ENPP6: variants seen among roughly 807,000 people sequenced by gnomAD.
ENPP6 encodes the protein ectonucleotide pyrophosphatase/phosphodiesterase 6.
Under a neutral mutation model 42.0 loss-of-function variants are expected in ENPP6, and 32 were observed. The observed-to-expected ratio is 0.76, with a 90% CI of 0.58 to 1.02. The LOEUF (loss-of-function observed/expected upper bound fraction) is 1.02, where lower values mean the gene tolerates loss of function less well. Among genes scored for constraint, ENPP6 ranks in the 50% least tolerant of loss-of-function variants. The probability of loss-of-function intolerance (pLI) is 0.00; values close to 1 mark genes in which losing one functional copy is unlikely to be tolerated. For missense variants in ENPP6, 552 were observed against 566.8 expected, an observed-to-expected ratio of 0.97 and a Z score of 0.27; for synonymous variants, 213 against 216.0, an observed-to-expected ratio of 0.99 and a Z score of 0.12.
At chr4:184,169,407 C>A (rs942144997) in intron 1 of ENPP6, among the ~76,000 whole-genome samples, 2 of 152,126 alleles carry the variant, frequency 1.3e-5, no homozygotes, top group Non-Finnish European at 1.5e-5. Flanking sequence ...GCCAGGGCCG[C>A]GGGGAGGGCA....
At chr4:184,199,641 A>G (rs1323949901) in intron 1 of ENPP6, among the ~76,000 whole-genome samples, 4 of 152,174 alleles carry the variant, frequency 2.6e-5, no homozygotes, top group African/African-American at 9.7e-5. Context: ...CTCCACCGTG[A>G]CATCCACAGA....
intron 1 of ENPP6, among the ~76,000 whole-genome samples, chr4:184,154,499 T>C (rs1737119950): frequency 6.6e-6 from 1 of 152,166 alleles, no homozygotes. Context: ...GTGAGCGTCA[T>C]TTGGCACCAG....
Position 184,088,861 on chromosome 4 carries a change from T to C in ENPP6, c.*2316A>G, listed in dbSNP as rs981140142. ...CAGACAAATATCTAAAGTTTTATTA[T>C]GTAACTTGCAGATTTTCAGGACGAG... On this transcript the variant is annotated 3_prime_UTR_variant, in exon 8 of 8. Coordinates refer to ENST00000296741, the MANE Select transcript of ENPP6 (RefSeq NM_153343.4). 3.9e-5 allele frequency: 6 copies of C among 152,250 alleles called. No homozygotes were observed. The highest frequency in any genetic ancestry group is 6.5e-5 in the Admixed American group (1 of 15,286). The allele number at this position is 152,250 out of a possible 1,614,324, so 9.4% of individuals were successfully genotyped here. A position where few individuals can be genotyped will look rare whatever the true frequency, so the allele number is the denominator to read the frequency against.
At chr4:184,208,333 T>G (rs1482323292) in intron 1 of ENPP6, among the ~76,000 whole-genome samples, 1 of 152,110 alleles carries the variant, frequency 6.6e-6, no homozygotes, top group South Asian at 2.1e-4. Flanking sequence ...GGTACTGGGT[T>G]CATCTCACTA....
intron 2 of ENPP6, among the ~76,000 whole-genome samples, chr4:184,133,033 T>G (rs1736666232): frequency 6.6e-6 from 1 of 152,162 alleles, no homozygotes; most frequent in Admixed American, 6.5e-5. Flanking sequence ...TGTCTTACTT[T>G]TTGTAGTTTA....
At chr4:184,142,174 A>T (rs6837418) in intron 2 of ENPP6, among the ~76,000 whole-genome samples, 3,378 of 152,298 alleles carry the variant, frequency 0.022, 145 homozygotes, top group African/African-American at 0.077. Context: ...CGCCAAGTTG[A>T]GCCCATAAAA....
intron 1 of ENPP6, among the ~76,000 whole-genome samples, chr4:184,166,212 C>T (rs1737345322): frequency 6.6e-6 from 1 of 152,162 alleles, no homozygotes; most frequent in South Asian, 2.1e-4. Context: ...AAAGCAACTC[C>T]TGATGTATGT....
intron 3 of ENPP6, among the ~76,000 whole-genome samples, chr4:184,122,131 C>A (rs1426909710): frequency 1.3e-5 from 2 of 152,178 alleles, no homozygotes; most frequent in African/African-American, 2.4e-5. Flanking sequence ...AATATGAAGA[C>A]CCCATGAGAC....
At chr4:184,133,993 A>G (rs1347522869) in intron 2 of ENPP6, among the ~76,000 whole-genome samples, 1 of 151,442 alleles carries the variant, frequency 6.6e-6, no homozygotes, top group African/African-American at 2.4e-5. Context: ...CTATTGATGT[A>G]TTGATAGATT....
intron 1 of ENPP6, among the ~76,000 whole-genome samples, chr4:184,189,217 G>A (rs1732681659): frequency 6.6e-6 from 1 of 152,208 alleles, no homozygotes; most frequent in Non-Finnish European, 1.5e-5. Context: ...AGGAAGTCCT[G>A]TCAGTTTCCT....
intron 6 of ENPP6, among the ~76,000 whole-genome samples, chr4:184,102,765 C>T (rs1342522290): frequency 6.6e-6 from 1 of 152,250 alleles, no homozygotes; most frequent in Non-Finnish European, 1.5e-5. Context: ...TGGAAACCAG[C>T]GTGCTCACCG....
At chr4:184,105,846 A>G (rs762008215) in intron 6 of ENPP6, among the ~76,000 whole-genome samples, 10 of 152,236 alleles carry the variant, frequency 6.6e-5, no homozygotes, top group Non-Finnish European at 1.5e-4. Flanking sequence ...TTAAAGGTGT[A>G]TGAAATCACA....
intron 3 of ENPP6, among the ~76,000 whole-genome samples, chr4:184,122,783 C>T (rs575537127): frequency 6.6e-6 from 1 of 152,138 alleles, no homozygotes; most frequent in East Asian, 1.9e-4. Flanking sequence ...AACTCTAACC[C>T]GAAATTTCAT....
At chr4:184,174,062 G>A (rs924691071) in intron 1 of ENPP6, among the ~76,000 whole-genome samples, 2 of 152,010 alleles carry the variant, frequency 1.3e-5, no homozygotes, top group Non-Finnish European at 2.9e-5. Flanking sequence ...AAATGAGGCC[G>A]GAAGAGGCAC....
chr4:184,151,977 G>A (rs1215727090), intron 2 of ENPP6, among the ~76,000 whole-genome samples: 2 of 152,296 alleles, frequency 1.3e-5, no homozygotes, highest in East Asian at 1.9e-4. Flanking sequence ...TGCGTCAGCC[G>A]AGGTGGCTGC....
In ENPP6 at chr4:184,104,895, A is replaced by G. The variant is rs71622939; in HGVS notation, c.994-7527T>C. Among the ~76,000 whole-genome samples, 929 of 152,366 alleles carry G rather than the reference A, an allele frequency of 6.1e-3. 4 individuals are homozygous for G. Among genetic ancestry groups the G allele is most frequent in the Non-Finnish European group, 0.01 (699 of 68,038 alleles). On this transcript the variant is annotated intron_variant, in intron 6 of 7. Transcript: ENST00000296741. Reference sequence around the variant, plus strand: ...CCTCCACTCCGGCAAGGCAGAGTCCAAAACAGACAAACAAATGTAGCATCA... The same window carrying G: ...CCTCCACTCCGGCAAGGCAGAGTCCGAAACAGACAAACAAATGTAGCATCA...
At chr4:184,091,936 C>T (rs1735811492) in intron 7 of ENPP6, among the ~76,000 whole-genome samples, 1 of 152,124 alleles carries the variant, frequency 6.6e-6, no homozygotes, top group Non-Finnish European at 1.5e-5. Flanking sequence ...TTGTGCATAA[C>T]TGTGCTCTCT....
chr4:184,199,256 G>T (rs1234316443), intron 1 of ENPP6, among the ~76,000 whole-genome samples: 1 of 152,178 alleles, frequency 6.6e-6, no homozygotes, highest in Non-Finnish European at 1.5e-5. Context: ...TTCCCTCTTT[G>T]GTGGGCTCTG....
intron 5 of ENPP6, among the ~76,000 whole-genome samples, chr4:184,115,149 A>G (rs558542401): frequency 3.3e-5 from 5 of 152,362 alleles, no homozygotes; most frequent in Admixed American, 2.6e-4. Flanking sequence ...CATCCTTACT[A>G]ATGACTGTCC....
Sources: allele counts gnomAD v4.1 joint callset (sites outside exome capture counted in the v4.1 genomes callset), GRCh38; gene constraint gnomAD v4.1.1; transcripts MANE v1.5; gene names NCBI Gene and HGNC (gene_info 2026-07-23, HGNC 2026-07-21).